ATF7IP2: variants seen among roughly 807,000 people sequenced by gnomAD.
The protein encoded by ATF7IP2 is activating transcription factor 7-interacting protein 2.
Under a neutral mutation model 64.2 loss-of-function variants are expected in ATF7IP2, and 42 were observed. That is an observed-to-expected ratio of 0.65 (90% CI 0.51 to 0.85). The LOEUF is 0.85. ATF7IP2 is among the 40% of genes least tolerant of loss of function. The pLI, the probability that ATF7IP2 is intolerant of heterozygous loss-of-function variation, is 0.00. For synonymous variants in ATF7IP2, 308 were observed against 272.8 expected, an observed-to-expected ratio of 1.13 and a Z score of -1.27; for missense variants, 933 against 784.2, an observed-to-expected ratio of 1.19 and a Z score of -2.27.
At chr16:10,454,680 G>C (rs537825773) in intron 8 of ATF7IP2, among the ~76,000 whole-genome samples, 100 of 152,006 alleles carry the variant, frequency 6.6e-4, no homozygotes, top group Non-Finnish European at 1.3e-3. Context: ...AACATTTAAA[G>C]CTGAATTTCC....
intron 1 of ATF7IP2, among the ~76,000 whole-genome samples, chr16:10,388,183 G>A (rs909295646): frequency 3.3e-5 from 5 of 152,114 alleles, no homozygotes; most frequent in Non-Finnish European, 5.9e-5. Flanking sequence ...TAGTCTTAGC[G>A]CCCGGCCTAT....
At chr16:10,453,777 C>G (rs1186747044) in intron 8 of ATF7IP2, among the ~76,000 whole-genome samples, 1 of 152,062 alleles carries the variant, frequency 6.6e-6, no homozygotes, top group East Asian at 1.9e-4. Context: ...GCCACCACAC[C>G]TGGCTAATTT....
At chr16:10,456,306 GCTCA>G (rs1157683405) in intron 8 of ATF7IP2, among the ~76,000 whole-genome samples, 2 of 152,160 alleles carry the variant, frequency 1.3e-5, no homozygotes, top group African/African-American at 4.8e-5. Flanking sequence ...ACTCTAAGAG[GCTCA>G]CTATCAGAAG....
chr16:10,394,890 A>T (rs1341231505), intron 1 of ATF7IP2, among the ~76,000 whole-genome samples: 1 of 152,118 alleles, frequency 6.6e-6, no homozygotes, highest in African/African-American at 2.4e-5. Flanking sequence ...ATGCTATATT[A>T]AAAAAGACCT....
In ATF7IP2 at chr16:10,439,049, C is replaced by CAAAAA. The variant is rs755392953; in HGVS notation, c.1095+828_1095+832dup. On this transcript the variant is annotated intron_variant, in intron 7 of 13. Coordinates refer to ENST00000562102, the MANE Select transcript of ATF7IP2 (RefSeq NM_001393719.1). ...GTCTGCCGACAGCGAGACTCCATCT[C>CAAAAA]AAAAAAAAAAAAAAAAAATAGGCAG... Among the ~76,000 whole-genome samples the CAAAAA allele has an allele frequency of 2.7e-4, 28 of 102,342 alleles. 1 individual carries two copies. The highest frequency in any genetic ancestry group is 1.2e-3 in the East Asian group (4 of 3,460). The allele number at this position is 102,342 out of a possible 152,430, so 67.1% of individuals were successfully genotyped here. A position where few individuals can be genotyped will look rare whatever the true frequency, so the allele number is the denominator to read the frequency against.
In ATF7IP2 at chr16:10,482,079, A is replaced by G. The variant is rs2050253342; in HGVS notation, c.1879A>G (p.Lys627Glu). The G allele has an allele frequency of 6.2e-7, 1 of 1,614,014 alleles. No individual in the cohort carries two copies. The highest frequency in any genetic ancestry group is 1.3e-5 in the African/African-American group (1 of 74,924). The part of the protein sequence containing the change: ...HENSNNKLIW[K>E]KIGEIKALPL... ...GAACTCTAATAATAAGTTGATTTGG[A>G]AGAAGATTGGAGAAATTAAAGCTTT... Residue 627 changes from lysine to glutamate, a missense_variant, in exon 14 of 14, where the codon AAG becomes GAG. Transcript: ENST00000562102.
intron 6 of ATF7IP2, 79 bp from the exon 7 acceptor site, chr16:10,438,022 C>G (rs373478646): frequency 8.8e-7 from 1 of 1,133,920 alleles, no homozygotes; most frequent in Non-Finnish European, 1.2e-6. Context: ...TGGAAAAGAG[C>G]AAGGCTTTTT....
chr16:10,420,467 G>C (rs915959494), intron 3 of ATF7IP2, among the ~76,000 whole-genome samples: 4 of 152,220 alleles, frequency 2.6e-5, no homozygotes, highest in African/African-American at 7.2e-5. Context: ...CTGGATAATA[G>C]CTTTAGCTTC....
chr16:10,456,539 C>T (rs950383010), intron 8 of ATF7IP2, among the ~76,000 whole-genome samples: 6 of 152,152 alleles, frequency 3.9e-5, no homozygotes, highest in Non-Finnish European at 7.3e-5. Flanking sequence ...CTTTTCAGAG[C>T]TCTTACAGTG....
intron 9 of ATF7IP2, among the ~76,000 whole-genome samples, chr16:10,466,477 T>G (rs1250783337): frequency 6.6e-6 from 1 of 152,144 alleles, no homozygotes; most frequent in Non-Finnish European, 1.5e-5. Flanking sequence ...TGTACCAAGT[T>G]ATACTCCCAC....
At chr16:10,423,560 A>G (rs1261534334) in intron 3 of ATF7IP2, among the ~76,000 whole-genome samples, 4 of 152,178 alleles carry the variant, frequency 2.6e-5, no homozygotes, top group Admixed American at 6.5e-5. Context: ...CACTGCCCAA[A>G]CAGTTACTGG....
intron 8 of ATF7IP2, chr16:10,447,336 C>A (rs944658006): frequency 1.3e-5 from 2 of 152,172 alleles, no homozygotes; most frequent in African/African-American, 4.8e-5. Flanking sequence ...AGTCTCCAGC[C>A]TTTGAGGCCA....
At chr16:10,442,417 A>G (rs1235322164) in intron 8 of ATF7IP2, among the ~76,000 whole-genome samples, 1 of 152,216 alleles carries the variant, frequency 6.6e-6, no homozygotes, top group Non-Finnish European at 1.5e-5. Context: ...AAGTTTTAGT[A>G]GGGGCTGTTT....
At chr16:10,440,491 C>A (rs1211608352) in intron 8 of ATF7IP2, 29 bp downstream of exon 8, 3 of 1,221,306 alleles carry the variant, frequency 2.5e-6, no homozygotes, top group East Asian at 5.0e-5. Context: ...GAATTGTAAT[C>A]ATCTATTTGA....
At chr16:10,390,184 G>C (rs932149051) in intron 1 of ATF7IP2, among the ~76,000 whole-genome samples, 1 of 152,106 alleles carries the variant, frequency 6.6e-6, no homozygotes, top group Non-Finnish European at 1.5e-5. Context: ...CTGGAGAACA[G>C]AGATGTTTTA....
At chr16:10,389,799 G>A (rs2047285543) in intron 1 of ATF7IP2, among the ~76,000 whole-genome samples, 1 of 152,152 alleles carries the variant, frequency 6.6e-6, no homozygotes, top group Admixed American at 6.5e-5. Flanking sequence ...AATTCTATTA[G>A]CATTCAGGTG....
Position 10,430,913 on chromosome 16 carries a change from C to G in ATF7IP2, c.293C>G (p.Pro98Arg). The G allele has an allele frequency of 2.5e-6, 4 of 1,613,850 alleles. No individual in the cohort carries two copies. Among genetic ancestry groups the G allele is most frequent in the Non-Finnish European group, 1.7e-6 (2 of 1,179,986 alleles). ...SKVFSQNCIK[P>R]VEEIVHSETK... ...GTATTCTCTCAGAATTGCATAAAAC[C>G]AGTAGAAGAAATTGTTCATTCAGAA... Residue 98 changes from proline to arginine, a missense_variant, in exon 5 of 14, where the codon CCA becomes CGA. Transcript: ENST00000562102.
intron 2 of ATF7IP2, among the ~76,000 whole-genome samples, chr16:10,415,095 G>A (rs545945633): frequency 8.5e-5 from 13 of 152,100 alleles, no homozygotes; most frequent in Admixed American, 4.6e-4. Context: ...TCAAAGCATC[G>A]ATGACATTCT....
chr16:10,473,555 C>T, intron 11 of ATF7IP2, 21 bp downstream of exon 11: 1 of 1,465,800 alleles, frequency 6.8e-7, no homozygotes, highest in South Asian at 1.2e-5. Context: ...AATATTGACT[C>T]TGAATATTGT....
Sources: gnomAD v4.1 joint callset for allele counts (sites outside exome capture counted in the v4.1 genomes callset) on GRCh38, gnomAD v4.1.1 for gene constraint, MANE v1.5 for transcripts, NCBI Gene and HGNC (gene_info 2026-07-23, HGNC 2026-07-21) for gene names.